The following TTC7B variants were observed in gnomAD, a reference collection of about 807,000 sequenced individuals.
TTC7B encodes the protein tetratricopeptide repeat protein 7B.
A neutral mutation model predicts 106.8 loss-of-function variants in TTC7B; 28 were observed. The observed-to-expected ratio is 0.26, with a 90% CI of 0.19 to 0.36. The LOEUF (loss-of-function observed/expected upper bound fraction) is 0.36, where lower values mean the gene tolerates loss of function less well. Ranked by LOEUF, TTC7B falls within the 10% of genes least tolerant of loss-of-function variation. The pLI is 1.00. For missense variants in TTC7B, 862 were observed against 1,076.4 expected (o/e 0.80, Z 2.79); for synonymous variants, 405 against 430.6 (o/e 0.94, Z 0.74).
rs575545133 is a variant in TTC7B at position 90,680,400 on chromosome 14, G to T, written c.1014+72C>A. On this transcript the variant is annotated intron_variant, in intron 8 of 19. Coordinates refer to ENST00000328459, the MANE Select transcript of TTC7B (RefSeq NM_001010854.2). ...CTTAAGAAAAAGAGTCATGATACTG[G>T]CAGAATGGCTATATCAAAAAAGGGT... 104 of 1,126,844 alleles carry T rather than the reference G, an allele frequency of 9.2e-5. No individual in the cohort carries two copies. The African/African-American group carries it at 1.5e-3, about 16-fold the overall frequency. The allele number at this position is 1,126,844 out of a possible 1,614,324, so 69.8% of individuals were successfully genotyped here. A position where few individuals can be genotyped will look rare whatever the true frequency, so the allele number is the denominator to read the frequency against.
rs1415679936 is a variant in TTC7B at position 90,759,631 on chromosome 14, A to C, written c.446-14709T>G. On this transcript the variant is annotated intron_variant, in intron 3 of 19. Coordinates refer to ENST00000328459, the MANE Select transcript of TTC7B (RefSeq NM_001010854.2). The surrounding 1 kb of genome is among the most constrained non-coding windows in gnomAD (Gnocchi z 4.1). ...AAACAGCTTGAAAGTTGACAAATTG[A>C]GATGAACCAGCTCGTCGGTGAGTGT... is the stretch of plus-strand genomic sequence containing the variant. Among the ~76,000 whole-genome samples, 2 of 152,216 alleles carry C rather than the reference A, an allele frequency of 1.3e-5. No individual in the cohort carries two copies. Among genetic ancestry groups the C allele is most frequent in the African/African-American group, 4.8e-5 (2 of 41,454 alleles).
intron 4 of TTC7B, among the ~76,000 whole-genome samples, chr14:90,743,340 G>A (rs1437058459): frequency 3.9e-5 from 6 of 152,064 alleles, no homozygotes; most frequent in Non-Finnish European, 5.9e-5. Flanking sequence ...CATATCATAT[G>A]CACCAACACA....
At chr14:90,670,256 A>G (rs1052418752) in intron 9 of TTC7B, among the ~76,000 whole-genome samples, 2 of 152,226 alleles carry the variant, frequency 1.3e-5, no homozygotes, top group African/African-American at 2.4e-5. Flanking sequence ...GACATAAAAG[A>G]GCAAGTATTG....
chr14:90,714,202 C>G, intron 5 of TTC7B, among the ~76,000 whole-genome samples: 1 of 151,674 alleles, frequency 6.6e-6, no homozygotes, highest in East Asian at 1.9e-4. Context: ...CACACTCCAG[C>G]CTGGGCAACA....
chr14:90,785,992 C>G (rs984669051), intron 2 of TTC7B, among the ~76,000 whole-genome samples, 182 bp downstream of exon 2: 1 of 152,200 alleles, frequency 6.6e-6, no homozygotes, highest in South Asian at 2.1e-4. Context: ...GAAGCCCCCA[C>G]AGTGGTCAGC....
chr14:90,581,913 A>T (rs746705114), intron 18 of TTC7B, among the ~76,000 whole-genome samples: 2 of 152,124 alleles, frequency 1.3e-5, no homozygotes, highest in Non-Finnish European at 2.9e-5. Context: ...CGAAGTCAGG[A>T]TCATGACGGT....
intron 18 of TTC7B, among the ~76,000 whole-genome samples, chr14:90,592,204 A>G (rs1356991499): frequency 2.0e-5 from 3 of 152,220 alleles, no homozygotes; most frequent in Non-Finnish European, 4.4e-5. Context: ...CAGAGGGACA[A>G]TTGGTGGATA....
rs778048869 is a variant in TTC7B at position 90,644,232 on chromosome 14, A to C, written c.1591-24T>G. 8.6e-6 allele frequency: 13 copies of C among 1,516,296 alleles called. No individual in the cohort carries two copies. In the South Asian group the frequency reaches 1.7e-4, roughly 19 times the overall value. The allele number at this position is 1,516,296 out of a possible 1,614,324, so 93.9% of individuals were successfully genotyped here. A position where few individuals can be genotyped will look rare whatever the true frequency, so the allele number is the denominator to read the frequency against. On this transcript the variant is annotated intron_variant, in intron 14 of 19. Coordinates refer to ENST00000328459, the MANE Select transcript of TTC7B (RefSeq NM_001010854.2). ...ATCTGGTTTAAAACAAAACCAAAAA[A>C]GGTTTTACATACACACATGCACACG...
chr14:90,800,102 G>A (rs548585217), intron 1 of TTC7B, among the ~76,000 whole-genome samples: 2 of 152,242 alleles, frequency 1.3e-5, no homozygotes, highest in Admixed American at 1.3e-4. Flanking sequence ...AAAATGCTGG[G>A]ATTACAGGCG....
chr14:90,744,521 C>G (rs1472194515), intron 4 of TTC7B, among the ~76,000 whole-genome samples: 5 of 152,124 alleles, frequency 3.3e-5, no homozygotes, highest in African/African-American at 1.2e-4. Flanking sequence ...GTTGGCCAGG[C>G]TGGTCTCAAA....
chr14:90,578,340 C>G lies in TTC7B; in HGVS notation c.2108-32G>C, dbSNP rs775533410. On this transcript the variant is annotated intron_variant, in intron 18 of 19. Coordinates refer to ENST00000328459, the MANE Select transcript of TTC7B (RefSeq NM_001010854.2). This position sits in a 1 kb window ranked among gnomAD's most constrained non-coding sequence, Gnocchi z 4.7. ...GGAGACAGCAACGGCACATGCTTTC[C>G]TGGTGCCCCTCTGAGGCCCTGCGAG... 6.2e-7 allele frequency: 1 copy of G among 1,604,734 alleles called. No homozygotes were observed. Among genetic ancestry groups the G allele is most frequent in the Non-Finnish European group, 8.5e-7 (1 of 1,175,638 alleles).
rs73326818 is a variant in TTC7B at position 90,604,923 on chromosome 14, A to C, written c.1966+5819T>G. ...CAATTTCTCTGCATAGTTTCACGAC[A>C]CAAACCCTACATTTTCCTTCACTGC... On this transcript the variant is annotated intron_variant, in intron 17 of 19. Transcript: ENST00000328459. Among the ~76,000 whole-genome samples, 1,264 of 152,348 alleles carry C rather than the reference A, an allele frequency of 8.3e-3. 18 individuals are homozygous for C. The highest frequency in any genetic ancestry group is 0.029 in the African/African-American group (1,209 of 41,572).
rs1023514446 is a variant in TTC7B at position 90,577,797 on chromosome 14, C to T, written c.2310+309G>A. Among the ~76,000 whole-genome samples, 4 of 152,252 alleles carry T rather than the reference C, an allele frequency of 2.6e-5. No individual in the cohort carries two copies. Among genetic ancestry groups the T allele is most frequent in the Non-Finnish European group, 5.9e-5 (4 of 68,046 alleles). ...CTGAGATGACAGTGACAATGCCCCACGGCCACAAGAATGTCTTTATCAAAC... is the reference window on the plus strand; with the variant it reads ...CTGAGATGACAGTGACAATGCCCCATGGCCACAAGAATGTCTTTATCAAAC... On this transcript the variant is annotated intron_variant, in intron 19 of 19. Coordinates refer to ENST00000328459, the MANE Select transcript of TTC7B (RefSeq NM_001010854.2). The surrounding 1 kb of genome is among the most constrained non-coding windows in gnomAD (Gnocchi z 5.0).
chr14:90,579,029 C>A (rs1257366521), intron 18 of TTC7B, among the ~76,000 whole-genome samples: 2 of 152,228 alleles, frequency 1.3e-5, no homozygotes, highest in Admixed American at 1.3e-4. Flanking sequence ...CCTCTGCAGC[C>A]CTGGCCTCCC....
intron 9 of TTC7B, 89 bp downstream of exon 9, chr14:90,676,434 G>T: frequency 6.7e-7 from 1 of 1,485,414 alleles, no homozygotes; most frequent in Non-Finnish European, 9.2e-7. Context: ...ATAGAGGGGG[G>T]CCCAGGACCA....
chr14:90,586,230 C>G (rs1891707182), intron 18 of TTC7B, among the ~76,000 whole-genome samples: 1 of 152,192 alleles, frequency 6.6e-6, no homozygotes, highest in Non-Finnish European at 1.5e-5. Context: ...CCTTGCCGAC[C>G]ACTCCCCTTC....
intron 3 of TTC7B, among the ~76,000 whole-genome samples, chr14:90,777,249 AT>A (rs1018572843): frequency 4.0e-5 from 6 of 151,374 alleles, no homozygotes; most frequent in East Asian, 1.9e-4. Context: ...TTTTATTTTT[AT>A]TTTTTTTTAA....
chr14:90,731,199 C>T (rs1295826550), intron 4 of TTC7B, among the ~76,000 whole-genome samples: 2 of 152,158 alleles, frequency 1.3e-5, no homozygotes, highest in Non-Finnish European at 2.9e-5. Context: ...GATCTGCCTG[C>T]CTTGGCCTCC....
At chr14:90,755,058 C>T (rs549095601) in intron 3 of TTC7B, among the ~76,000 whole-genome samples, 13 of 152,192 alleles carry the variant, frequency 8.5e-5, no homozygotes, top group East Asian at 7.7e-4. Flanking sequence ...TTTCTATTGC[C>T]GAATAATATT....
Sources: gnomAD v4.1 joint callset for allele counts (sites outside exome capture counted in the v4.1 genomes callset) on GRCh38, gnomAD v4.1.1 for gene constraint, Gnocchi (gnomAD v3.1) non-coding constraint, MANE v1.5 for transcripts, NCBI Gene and HGNC (gene_info 2026-07-23, HGNC 2026-07-21) for gene names.